Variants in C4orf51 observed in about 807,000 individuals in gnomAD.
C4orf51 encodes the protein uncharacterized protein C4orf51.
In C4orf51, 25 loss-of-function variants were observed where a neutral mutation model predicts 25.2. That is an observed-to-expected ratio of 0.99 (90% CI 0.72 to 1.39). C4orf51 has a LOEUF of 1.39. C4orf51 is among the 40% of genes most tolerant of loss of function. C4orf51 has a pLI of 0.00. For missense variants in C4orf51, 252 were observed against 239.6 expected, an observed-to-expected ratio of 1.05 and a Z score of -0.34; for synonymous variants, 100 against 84.5, an observed-to-expected ratio of 1.18 and a Z score of -1.01.
At chr4:145,779,500 T>A in the C4orf51 span, 1 of 1,613,378 alleles carries the variant, frequency 6.2e-7, no homozygotes, top group Non-Finnish European at 8.5e-7. Context: ...TCTAGGACTA[T>A]CTTTTCTGTT....
intron 1 of C4orf51, among the ~76,000 whole-genome samples, chr4:145,767,311 G>A (rs993775938): frequency 6.6e-6 from 1 of 152,124 alleles, no homozygotes; most frequent in Non-Finnish European, 1.5e-5. Flanking sequence ...TAAACCTGAA[G>A]ATAATAGCTA....
At chr4:145,692,529 A>T (rs996593780) in intron 1 of C4orf51, among the ~76,000 whole-genome samples, 2 of 152,224 alleles carry the variant, frequency 1.3e-5, no homozygotes, top group Non-Finnish European at 2.9e-5. Flanking sequence ...TTTTAAATTC[A>T]TACGCCCAGG....
At position 145,761,439 on chromosome 4, in the gene C4orf51, G is replaced by A. The variant is rs546384176; in HGVS notation, n.167-9549G>A. The A allele has an allele frequency of 3.0e-4, 389 of 1,289,894 alleles. 8 individuals carry two copies. In the South Asian group the frequency reaches 4.5e-3, roughly 15 times the overall value. 79.9% of individuals were successfully genotyped at this position (1,289,894 alleles called of 1,614,324 possible). A position where few individuals can be genotyped will look rare whatever the true frequency, so the allele number is the denominator to read the frequency against. On this transcript the variant is annotated intron_variant and non_coding_transcript_variant, in intron 1 of 1. Coordinates refer to the C4orf51 transcript ENST00000510096. The surrounding 1 kb of genome is among the most constrained non-coding windows in gnomAD (Gnocchi z 6.8). ...GGTAGCCGCACTGGTCGCACTTGTA[G>A]TGGTTGCCCAGGCGGTGCTCCCGGG... is the stretch of plus-strand genomic sequence containing the variant.
chr4:145,735,853 A>G (rs1048071286), downstream of C4orf51, among the ~76,000 whole-genome samples: 1 of 152,190 alleles, frequency 6.6e-6, no homozygotes, highest in African/African-American at 2.4e-5. Context: ...ATGACTTCAT[A>G]AATATTTATA....
intron 1 of C4orf51, among the ~76,000 whole-genome samples, chr4:145,748,798 C>A (rs565099900): frequency 2.0e-5 from 3 of 152,072 alleles, no homozygotes; most frequent in Admixed American, 6.6e-5. Flanking sequence ...TATGGTCTAT[C>A]CTTCAGAATG....
chr4:145,701,023 C>T (rs1043921407), intron 2 of C4orf51, among the ~76,000 whole-genome samples: 12 of 152,098 alleles, frequency 7.9e-5, no homozygotes, highest in African/African-American at 2.9e-4. Flanking sequence ...GGCTCTTTTT[C>T]ATCAGATATA....
chr4:145,727,951 TA>T lies in C4orf51; in HGVS notation c.366+984del, dbSNP rs1258705189. Reference sequence around the variant, plus strand: ...ATATATTATATATATACATTATATATAATAATATAATATATAATATAATATA... The same window carrying T: ...ATATATTATATATATACATTATATATATAATATAATATATAATATAATATA... On this transcript the variant is annotated intron_variant, in intron 3 of 5. Transcript: ENST00000438731. Among the ~76,000 whole-genome samples, 270 of 114,710 alleles carry T rather than the reference TA, an allele frequency of 2.4e-3. 2 individuals carry two copies. Among genetic ancestry groups the T allele is most frequent in the African/African-American group, 7.8e-3 (231 of 29,772 alleles). The allele number at this position is 114,710 out of a possible 152,430, so 75.3% of individuals were successfully genotyped here.
At chr4:145,785,372 T>G in the C4orf51 span, among the ~76,000 whole-genome samples, 4 of 152,204 alleles carry the variant, frequency 2.6e-5, no homozygotes. Context: ...AAAACTTTCC[T>G]TAATTAAACC....
chr4:145,686,784 T>A (rs1729182167), intron 1 of C4orf51, among the ~76,000 whole-genome samples: 1 of 152,216 alleles, frequency 6.6e-6, no homozygotes, highest in African/African-American at 2.4e-5. Context: ...AAATAAAAGT[T>A]CTCAAGTCAC....
chr4:145,707,520 G>A (rs548751587), intron 2 of C4orf51, among the ~76,000 whole-genome samples: 8 of 152,320 alleles, frequency 5.3e-5, no homozygotes, highest in African/African-American at 1.7e-4. Context: ...GGTCCAAGAT[G>A]AAGTTATTGG....
In C4orf51 at chr4:145,692,829, AC is replaced by A. The variant is rs373349822; in HGVS notation, c.234-3727del. On this transcript the variant is annotated intron_variant, in intron 1 of 5. Transcript: ENST00000438731. The stretch of plus-strand genomic sequence containing the variant: ...CCATACAAAATAACCTGCACTTCCC[AC>A]CCAGTCCCTGCTTGCTTAGAGTATC... Among the ~76,000 whole-genome samples the A allele has an allele frequency of 2.6e-3, 388 of 152,056 alleles. 3 individuals carry two copies. The highest frequency in any genetic ancestry group is 8.6e-3 in the African/African-American group (355 of 41,460).
At chr4:145,719,122 A>G (rs1731577007) in intron 2 of C4orf51, among the ~76,000 whole-genome samples, 1 of 152,134 alleles carries the variant, frequency 6.6e-6, no homozygotes, top group Non-Finnish European at 1.5e-5. Flanking sequence ...TATTCCCAGC[A>G]CTTGGCACAG....
At chr4:145,764,475 G>A (rs1188201292) in intron 1 of C4orf51, among the ~76,000 whole-genome samples, 3 of 152,192 alleles carry the variant, frequency 2.0e-5, no homozygotes, top group Non-Finnish European at 4.4e-5. Context: ...ACATCAGTAT[G>A]TTTGCAGGAG....
At chr4:145,726,171 G>T (rs1732043268) in intron 2 of C4orf51, among the ~76,000 whole-genome samples, 1 of 152,134 alleles carries the variant, frequency 6.6e-6, no homozygotes, top group Non-Finnish European at 1.5e-5. Flanking sequence ...CTTTTAAAAA[G>T]ATATTATTCT....
At chr4:145,775,673 G>T (rs1736954577), downstream of C4orf51, 6 of 1,263,128 alleles carry the variant, frequency 4.8e-6, no homozygotes, top group Non-Finnish European at 5.5e-6. Flanking sequence ...TCAAATGAAG[G>T]CCAGGCTATG....
chr4:145,693,363 C>G (rs1337934476), intron 1 of C4orf51, among the ~76,000 whole-genome samples: 1 of 151,056 alleles, frequency 6.6e-6, no homozygotes, highest in South Asian at 2.1e-4. Context: ...GGTCACAGAT[C>G]AACAGGATCC....
chr4:145,728,118 C>G (rs1279610052), intron 3 of C4orf51, among the ~76,000 whole-genome samples: 1 of 147,532 alleles, frequency 6.8e-6, no homozygotes, highest in East Asian at 2.0e-4. Context: ...CTACTGTAAC[C>G]AATGCTGTGA....
At position 145,739,894 on chromosome 4, in the gene C4orf51, G is replaced by A. The variant is rs183654554; in HGVS notation, n.167+7275G>A. Among the ~76,000 whole-genome samples the A allele has an allele frequency of 3.3e-5, 5 of 152,278 alleles. No individual in the cohort carries two copies. The East Asian group carries it at 9.7e-4, about 29-fold the overall frequency. ...CTACTCTCACTAGATTTTGAGATAT[G>A]CATAGTCTCTGCCTGAGTATGTGGG... On this transcript the variant is annotated intron_variant and non_coding_transcript_variant, in intron 1 of 1. Transcript: ENST00000508981.
chr4:145,768,231 C>T (rs1437629586), intron 1 of C4orf51, among the ~76,000 whole-genome samples: 1 of 152,148 alleles, frequency 6.6e-6, no homozygotes, highest in Non-Finnish European at 1.5e-5. Context: ...GTAACGTGAT[C>T]CCAGCTCACT....
Sources: allele counts gnomAD v4.1 joint callset (sites outside exome capture counted in the v4.1 genomes callset), GRCh38; gene constraint gnomAD v4.1.1; non-coding constraint Gnocchi (gnomAD v3.1); transcripts MANE v1.5; gene names NCBI Gene and HGNC (gene_info 2026-07-23, HGNC 2026-07-21).